Variants in KLHL29 observed in about 807,000 individuals in gnomAD.
KLHL29 encodes kelch-like protein 29.
KLHL29 carries 21 observed loss-of-function variants against 80.4 expected under a neutral mutation model. The observed-to-expected ratio is 0.26, with a 90% CI of 0.19 to 0.38. The LOEUF (loss-of-function observed/expected upper bound fraction) is 0.38, where lower values mean the gene tolerates loss of function less well. Among genes scored for constraint, KLHL29 ranks in the 10% least tolerant of loss-of-function variants. The pLI, the probability that KLHL29 is intolerant of heterozygous loss-of-function variation, is 1.00. For synonymous variants in KLHL29, 511 were observed against 526.8 expected (o/e 0.97, Z 0.41); for missense variants, 867 against 1,223.9 (o/e 0.71, Z 4.35).
intron 5 of KLHL29, among the ~76,000 whole-genome samples, chr2:23,683,717 G>A (rs1671155960): frequency 6.6e-6 from 1 of 152,240 alleles, no homozygotes; most frequent in South Asian, 2.1e-4. Context: ...AGCCCCAGGA[G>A]AGGGTGGGTG....
intron 1 of KLHL29, among the ~76,000 whole-genome samples, chr2:23,388,280 T>C (rs181750335): frequency 6.6e-6 from 1 of 152,352 alleles, no homozygotes; most frequent in East Asian, 1.9e-4. Context: ...TGACTTTTGC[T>C]AACTGCAGCT....
intron 1 of KLHL29, among the ~76,000 whole-genome samples, chr2:23,404,313 T>C (rs1666673110): frequency 6.6e-6 from 1 of 152,114 alleles, no homozygotes; most frequent in South Asian, 2.1e-4. Flanking sequence ...TACAAAAATT[T>C]AGAAAGGAGA....
chr2:23,598,424 G>A (rs2103521563), intron 3 of KLHL29, among the ~76,000 whole-genome samples: 1 of 152,288 alleles, frequency 6.6e-6, no homozygotes, highest in East Asian at 1.9e-4. Flanking sequence ...GATATTCATT[G>A]TACTGCATGT....
chr2:23,604,002 G>C (rs732747), intron 3 of KLHL29, among the ~76,000 whole-genome samples: 57,704 of 152,084 alleles, frequency 0.38, 11,356 homozygotes, highest in East Asian at 0.65. Context: ...CTGGGTACTG[G>C]GTGCACAGTT....
intron 3 of KLHL29, among the ~76,000 whole-genome samples, chr2:23,633,702 C>T (rs1478604269): frequency 2.0e-5 from 3 of 150,834 alleles, no homozygotes; most frequent in African/African-American, 7.4e-5. Context: ...AAAGATAGGC[C>T]CAGGACTGGC....
At chr2:23,406,198 G>A (rs779629578) in intron 1 of KLHL29, among the ~76,000 whole-genome samples, 1 of 151,660 alleles carries the variant, frequency 6.6e-6, no homozygotes, top group Non-Finnish European at 1.5e-5. Flanking sequence ...CATGGTGGCG[G>A]GCACCTGTGA....
chr2:23,499,820 C>T (rs1191064211), intron 2 of KLHL29, among the ~76,000 whole-genome samples: 2 of 152,252 alleles, frequency 1.3e-5, no homozygotes, highest in Non-Finnish European at 2.9e-5. Context: ...CCTCCATGGA[C>T]TGCTTAGGAC....
chr2:23,439,176 T>G (rs1391764548), intron 1 of KLHL29, among the ~76,000 whole-genome samples: 1 of 150,998 alleles, frequency 6.6e-6, no homozygotes, highest in African/African-American at 2.4e-5. Context: ...TCATTTTTTA[T>G]CGTGTCTATT....
chr2:23,618,476 C>A (rs562606193), intron 3 of KLHL29, among the ~76,000 whole-genome samples: 3 of 152,286 alleles, frequency 2.0e-5, no homozygotes, highest in African/African-American at 7.2e-5. Context: ...GCTGACCCTG[C>A]TGTAAGTAAG....
At chr2:23,662,823 G>A (rs1022759277) in intron 5 of KLHL29, among the ~76,000 whole-genome samples, 2 of 152,314 alleles carry the variant, frequency 1.3e-5, no homozygotes, top group South Asian at 2.1e-4. Flanking sequence ...CCTGGGCCCC[G>A]AGCCTGACTG....
chr2:23,385,597 G>T lies in KLHL29; in HGVS notation c.-337G>T. ...GGCGGCGGAGGAGGAGGAGGAACGA[G>T]GGGAGAAGGCGGAGAGCAGGAACGC... On this transcript the variant is annotated 5_prime_UTR_variant, in exon 1 of 14. It adds an upstream start codon to the 5' untranslated region. Transcript: ENST00000486442. 1 of 169,238 alleles carries T rather than the reference G, an allele frequency of 5.9e-6. No individual in the cohort carries two copies. The highest frequency in any genetic ancestry group is 1.8e-4 in the South Asian group (1 of 5,430). The allele number at this position is 169,238 out of a possible 1,614,324, so 10.5% of individuals were successfully genotyped here. A position where few individuals can be genotyped will look rare whatever the true frequency, so the allele number is the denominator to read the frequency against.
chr2:23,484,486 C>T (rs539491839), intron 2 of KLHL29, among the ~76,000 whole-genome samples: 1 of 152,204 alleles, frequency 6.6e-6, no homozygotes, highest in Non-Finnish European at 1.5e-5. Context: ...ATTAACCCGG[C>T]ACTCCGTTCT....
At chr2:23,591,840 C>T (rs1381439444) in intron 3 of KLHL29, among the ~76,000 whole-genome samples, 2 of 152,364 alleles carry the variant, frequency 1.3e-5, no homozygotes, top group South Asian at 4.1e-4. Flanking sequence ...AGGGCAGCCC[C>T]CCTGGGAGCG....
intron 1 of KLHL29, among the ~76,000 whole-genome samples, chr2:23,435,946 G>A (rs2103411466): frequency 7.0e-6 from 1 of 142,722 alleles, no homozygotes; most frequent in South Asian, 2.2e-4. Flanking sequence ...TTTCCCTCCT[G>A]GCTCTTCCCT....
At position 23,413,140 on chromosome 2, in the gene KLHL29, C is replaced by T. The variant is rs370025128; in HGVS notation, c.-154+27360C>T. On this transcript the variant is annotated intron_variant, in intron 1 of 13. Coordinates refer to ENST00000486442, the MANE Select transcript of KLHL29 (RefSeq NM_052920.2). ...TGATGGCACTGTGAGGCACTGGGCC[C>T]GGTGAACTCGCAGGGTGTAGCTGAG... Among the ~76,000 whole-genome samples the T allele has an allele frequency of 7.9e-4, 121 of 152,240 alleles. 3 individuals are homozygous for T. In the East Asian group the frequency reaches 0.02, roughly 25 times the overall value.
chr2:23,605,326 G>A (rs919721898), intron 3 of KLHL29, among the ~76,000 whole-genome samples: 6 of 151,640 alleles, frequency 4.0e-5, no homozygotes, highest in African/African-American at 1.5e-4. Flanking sequence ...TTCAACTCCT[G>A]GGCTCAAGCA....
chr2:23,606,518 C>G lies in KLHL29; in HGVS notation c.286-32621C>G, dbSNP rs1668732701. Among the ~76,000 whole-genome samples the G allele has an allele frequency of 3.3e-5, 5 of 152,316 alleles. No homozygotes were observed. In the South Asian group the frequency reaches 1.0e-3, roughly 32 times the overall value. On this transcript the variant is annotated intron_variant, in intron 3 of 13. Transcript: ENST00000486442. ...CATCTTAGGAATCTGCCCAAAATTC[C>G]GTGTTCATCCTGACCGATTTAACAA...
chr2:23,459,070 G>A (rs1412475255), intron 1 of KLHL29, among the ~76,000 whole-genome samples: 1 of 152,178 alleles, frequency 6.6e-6, no homozygotes, highest in Non-Finnish European at 1.5e-5. Context: ...ATGTCGAGGG[G>A]TCATAATGGG....
At chr2:23,433,056 C>T (rs1663229148) in intron 1 of KLHL29, among the ~76,000 whole-genome samples, 1 of 152,114 alleles carries the variant, frequency 6.6e-6, no homozygotes, top group Admixed American at 6.5e-5. Flanking sequence ...AGTGTGTGCC[C>T]TCCGTTGTCT....
Sources: allele counts gnomAD v4.1 joint callset (sites outside exome capture counted in the v4.1 genomes callset), GRCh38; gene constraint gnomAD v4.1.1; transcripts MANE v1.5; gene names NCBI Gene and HGNC (gene_info 2026-07-23, HGNC 2026-07-21).